Variants in MAGI2 observed in about 807,000 individuals in gnomAD.
The protein encoded by MAGI2 is membrane associated guanylate kinase, WW and PDZ domain containing 2, also known as membrane-associated guanylate kinase, WW and PDZ domain-containing protein 2.
A neutral mutation model predicts 133.3 loss-of-function variants in MAGI2; 35 were observed. The ratio of observed to expected loss-of-function variants is 0.26; its 90% CI spans 0.20 to 0.35. The LOEUF (loss-of-function observed/expected upper bound fraction) is 0.35, where lower values mean the gene tolerates loss of function less well. Among genes scored for constraint, MAGI2 ranks in the 10% least tolerant of loss-of-function variants. The probability of loss-of-function intolerance (pLI) is 1.00; values close to 1 mark genes in which losing one functional copy is unlikely to be tolerated. For missense variants in MAGI2, 1,636 were observed against 1,863.4 expected (o/e 0.88, Z 2.25); for synonymous variants, 729 against 710.6 (o/e 1.03, Z -0.41).
intron 2 of MAGI2, among the ~76,000 whole-genome samples, chr7:78,876,451 T>C (rs2151533574): frequency 6.6e-6 from 1 of 151,904 alleles, no homozygotes; most frequent in East Asian, 1.9e-4. Context: ...GGTCTAAGCC[T>C]AGCCTTCACT....
chr7:78,546,326 T>C (rs1019189001), intron 3 of MAGI2, among the ~76,000 whole-genome samples: 4 of 152,138 alleles, frequency 2.6e-5, no homozygotes, highest in Non-Finnish European at 5.9e-5. Context: ...GCATTCCTAC[T>C]TGCAGCACAA....
At chr7:78,076,011 C>T (rs892991341) in intron 21 of MAGI2, among the ~76,000 whole-genome samples, 1 of 152,142 alleles carries the variant, frequency 6.6e-6, no homozygotes, top group African/African-American at 2.4e-5. Context: ...AAAGTTTTTA[C>T]AGTCAAAATC....
intron 1 of MAGI2, among the ~76,000 whole-genome samples, chr7:79,419,132 T>C (rs1846756501): frequency 6.6e-6 from 1 of 152,076 alleles, no homozygotes; most frequent in South Asian, 2.1e-4. Context: ...TTTTAAAATA[T>C]TAAAATGAAT....
rs770829029 is a variant in MAGI2, at chr7:78,019,743, T to C, written c.3940A>G (p.Arg1314Gly). 6 of 1,610,456 alleles carry C rather than the reference T, an allele frequency of 3.7e-6. No homozygotes were observed. In the South Asian group the frequency reaches 6.6e-5, roughly 18 times the overall value. ...GQKKQRLGEQ[R>G]ERSASPQRAA... ...CTCTGCGGACTCGCCGAGCGCTCCC[T>C]CTGCTCCCCGAGGCGCTGCTTCTTC... Residue 1314 changes from arginine to glycine, a missense_variant, in exon 22 of 22, where the codon AGG becomes GGG. Arg to Gly is a moderately radical substitution (Grantham distance 125, BLOSUM62 -2). Coordinates refer to ENST00000354212, the MANE Select transcript of MAGI2 (RefSeq NM_012301.4).
intron 2 of MAGI2, among the ~76,000 whole-genome samples, chr7:78,883,476 T>G (rs930215245): frequency 6.6e-6 from 1 of 152,122 alleles, no homozygotes; most frequent in Non-Finnish European, 1.5e-5. Context: ...TGCTATTCCT[T>G]TCAAACTACC....
At chr7:78,818,151 G>C (rs1321638054) in intron 2 of MAGI2, among the ~76,000 whole-genome samples, 3 of 152,092 alleles carry the variant, frequency 2.0e-5, no homozygotes, top group African/African-American at 7.2e-5. Context: ...GATGAAATTA[G>C]GAAGAAACCT....
chr7:79,040,963 T>C (rs146589691), intron 1 of MAGI2, among the ~76,000 whole-genome samples: 293 of 152,310 alleles, frequency 1.9e-3, no homozygotes, highest in African/African-American at 6.8e-3. Flanking sequence ...CAATAATAGA[T>C]TATATATTTC....
At chr7:78,845,516 T>C (rs1247155210) in intron 2 of MAGI2, among the ~76,000 whole-genome samples, 1 of 151,940 alleles carries the variant, frequency 6.6e-6, no homozygotes, top group Non-Finnish European at 1.5e-5. Flanking sequence ...AATGTATTGT[T>C]GAAAAATTCT....
intron 6 of MAGI2, among the ~76,000 whole-genome samples, chr7:78,387,280 A>T (rs1350426495): frequency 6.6e-6 from 1 of 152,190 alleles, no homozygotes; most frequent in Non-Finnish European, 1.5e-5. Flanking sequence ...TGAAGTCTTT[A>T]CAACTCTAGG....
intron 21 of MAGI2, among the ~76,000 whole-genome samples, chr7:78,060,252 C>T (rs1033644977): frequency 1.7e-5 from 2 of 115,886 alleles, no homozygotes; most frequent in Middle Eastern, 4.0e-3. Context: ...GGACCCCCCC[C>T]CCTCTTTAGA....
At chr7:79,345,405 C>A (rs1438258404) in intron 1 of MAGI2, among the ~76,000 whole-genome samples, 7 of 152,014 alleles carry the variant, frequency 4.6e-5, no homozygotes, top group Non-Finnish European at 1.0e-4. Context: ...ACAGTTTGAT[C>A]TTGAAATTCT....
chr7:78,822,037 G>A (rs1790171967), intron 2 of MAGI2, among the ~76,000 whole-genome samples: 1 of 152,126 alleles, frequency 6.6e-6, no homozygotes, highest in African/African-American at 2.4e-5. Flanking sequence ...TGATGAATAT[G>A]CAACATGGGC....
intron 1 of MAGI2, among the ~76,000 whole-genome samples, chr7:79,263,554 C>T (rs867876676): frequency 9.9e-5 from 15 of 152,136 alleles, no homozygotes; most frequent in Admixed American, 9.2e-4. Context: ...CATCACCAAA[C>T]GCAAATTCTC....
intron 2 of MAGI2, among the ~76,000 whole-genome samples, chr7:78,632,140 C>G (rs1467627579): frequency 6.6e-6 from 1 of 152,160 alleles, no homozygotes; most frequent in Non-Finnish European, 1.5e-5. Context: ...ATGTGCCAAA[C>G]ACTATTCTAG....
At chr7:78,571,408 A>G (rs1424096846) in intron 3 of MAGI2, among the ~76,000 whole-genome samples, 1 of 152,192 alleles carries the variant, frequency 6.6e-6, no homozygotes, top group Admixed American at 6.5e-5. Flanking sequence ...AAACTCAGAA[A>G]GCAATGACAG....
chr7:78,843,635 A>G (rs956590830), intron 2 of MAGI2, among the ~76,000 whole-genome samples: 1 of 151,856 alleles, frequency 6.6e-6, no homozygotes, highest in African/African-American at 2.4e-5. Context: ...TTGTGTTTAT[A>G]GGTTGTAGTC....
intron 1 of MAGI2, among the ~76,000 whole-genome samples, chr7:79,393,918 G>T (rs576260331): frequency 6.6e-6 from 1 of 152,146 alleles, no homozygotes; most frequent in Admixed American, 6.6e-5. Flanking sequence ...ACAGAGCCAG[G>T]TCTGGGTGTC....
chr7:78,424,989 G>T (rs1350683662), intron 6 of MAGI2, among the ~76,000 whole-genome samples: 2 of 152,138 alleles, frequency 1.3e-5, no homozygotes, highest in African/African-American at 4.8e-5. Flanking sequence ...TGTTGAGAAG[G>T]GATGATTGGT....
At chr7:78,559,293 C>T (rs1476737858) in intron 3 of MAGI2, among the ~76,000 whole-genome samples, 4 of 139,434 alleles carry the variant, frequency 2.9e-5, no homozygotes, top group African/African-American at 1.1e-4. Flanking sequence ...GGACTTTCTT[C>T]TCACTACCCC....
Sources: allele counts gnomAD v4.1 joint callset (sites outside exome capture counted in the v4.1 genomes callset), GRCh38; gene constraint gnomAD v4.1.1; transcripts MANE v1.5; gene names NCBI Gene and HGNC (gene_info 2026-07-23, HGNC 2026-07-21).